Variants in GALK2 observed in about 807,000 individuals in gnomAD.
GALK2 encodes the protein N-acetylgalactosamine kinase.
GALK2 carries 36 observed loss-of-function variants against 52.4 expected under a neutral mutation model. The observed-to-expected ratio is 0.69, with a 90% CI of 0.53 to 0.91. The LOEUF is 0.91. Among genes scored for constraint, GALK2 ranks in the 40% least tolerant of loss-of-function variants. The pLI is 0.00. For missense variants in GALK2, 579 were observed against 559.1 expected (o/e 1.04, Z -0.36); for synonymous variants, 176 against 199.1 (o/e 0.88, Z 0.98).
intron 1 of GALK2, among the ~76,000 whole-genome samples, chr15:49,195,867 G>C (rs999328618): frequency 1.8e-4 from 27 of 151,936 alleles, no homozygotes; most frequent in African/African-American, 6.5e-4. Flanking sequence ...GGGGAAAGAG[G>C]GAGAGTTAAG....
chr15:49,244,032 A>C (rs1418246820), intron 5 of GALK2, among the ~76,000 whole-genome samples: 2 of 152,156 alleles, frequency 1.3e-5, no homozygotes, highest in South Asian at 4.1e-4. Context: ...AGAGAAAAAC[A>C]GGAAAATTTA....
At chr15:49,175,199 A>G (rs1478377710) in intron 1 of GALK2, among the ~76,000 whole-genome samples, 1 of 152,208 alleles carries the variant, frequency 6.6e-6, no homozygotes, top group African/African-American at 2.4e-5. Flanking sequence ...GGTGAGCTAT[A>G]GGACACAAAG....
intron 3 of GALK2, chr15:49,366,688 ACTGGTGGGTGG>A: frequency 6.7e-7 from 1 of 1,494,492 alleles, no homozygotes; most frequent in Non-Finnish European, 9.2e-7. Flanking sequence ...GCCCCATCGG[ACTGGTGGGTGG>A]CGGGTGGGGT....
chr15:49,284,691 C>A (rs2033142877), intron 7 of GALK2, among the ~76,000 whole-genome samples: 1 of 152,188 alleles, frequency 6.6e-6, no homozygotes, highest in Non-Finnish European at 1.5e-5. Flanking sequence ...TTCTTTACTT[C>A]TCTCAAATAC....
intron 1 of GALK2, among the ~76,000 whole-genome samples, chr15:49,180,740 C>T (rs889734760): frequency 6.6e-6 from 1 of 152,114 alleles, no homozygotes; most frequent in African/African-American, 2.4e-5. Flanking sequence ...ATGCTGTATG[C>T]TTGGGCCTTT....
chr15:49,353,172 A>C (rs571009871), intron 3 of GALK2, among the ~76,000 whole-genome samples: 15 of 152,338 alleles, frequency 9.8e-5, no homozygotes, highest in Admixed American at 2.0e-4. Context: ...CAACAAAATC[A>C]TAGGGACTTG....
chr15:49,210,024 C>T (rs754191959), intron 2 of GALK2, among the ~76,000 whole-genome samples: 2 of 152,092 alleles, frequency 1.3e-5, no homozygotes, highest in African/African-American at 2.4e-5. Flanking sequence ...GTTATTGGTG[C>T]GTTCAGGTTT....
intron 1 of GALK2, among the ~76,000 whole-genome samples, chr15:49,170,733 C>T (rs185341131): frequency 3.2e-4 from 48 of 152,206 alleles, no homozygotes; most frequent in Admixed American, 3.1e-3. Flanking sequence ...TTTTAAAAGT[C>T]TTCTTTCTAA....
At chr15:49,177,134 TA>T (rs926154742) in intron 1 of GALK2, among the ~76,000 whole-genome samples, 11 of 152,168 alleles carry the variant, frequency 7.2e-5, no homozygotes, top group African/African-American at 2.4e-4. Flanking sequence ...TTTTTCTATA[TA>T]TTTTTTTAAA....
chr15:49,173,963 G>A (rs1272698130), intron 1 of GALK2, among the ~76,000 whole-genome samples: 1 of 152,036 alleles, frequency 6.6e-6, no homozygotes, highest in Non-Finnish European at 1.5e-5. Context: ...GGCTGGTCTT[G>A]AACTCCTGAC....
At chr15:49,238,724 ACCTTCTAAAG>A (rs879528261) in intron 4 of GALK2, among the ~76,000 whole-genome samples, 4 of 152,092 alleles carry the variant, frequency 2.6e-5, no homozygotes, top group African/African-American at 4.8e-5. Context: ...TTTTCAGAGA[ACCTTCTAAAG>A]TAAGGCACTC....
At chr15:49,211,929 A>G (rs1186190193) in intron 2 of GALK2, among the ~76,000 whole-genome samples, 1 of 152,142 alleles carries the variant, frequency 6.6e-6, no homozygotes, top group Non-Finnish European at 1.5e-5. Context: ...TCCAAGCCAT[A>G]TCATATGGGT....
At chr15:49,333,898 A>G (rs183116720), downstream of GALK2, among the ~76,000 whole-genome samples, 276 of 152,346 alleles carry the variant, frequency 1.8e-3, no homozygotes, top group South Asian at 5.4e-3. Context: ...ATAGAGGAAG[A>G]AGGGAAATAA....
intron 1 of GALK2, among the ~76,000 whole-genome samples, chr15:49,177,135 A>AT (rs1237010291): frequency 3.3e-5 from 5 of 151,832 alleles, no homozygotes; most frequent in African/African-American, 9.7e-5. Context: ...TTTTCTATAT[A>AT]TTTTTTTAAA....
At chr15:49,335,573 C>T, downstream of GALK2, 1 of 1,019,718 alleles carries the variant, frequency 9.8e-7, no homozygotes, top group Non-Finnish European at 1.5e-6. Context: ...ACAGAGGAAC[C>T]AAGGGGACCG....
chr15:49,309,082 T>C lies in GALK2; in HGVS notation c.968-10522T>C, dbSNP rs546347497. Among the ~76,000 whole-genome samples, 4 of 152,302 alleles carry C rather than the reference T, an allele frequency of 2.6e-5. No individual in the cohort carries two copies. In the South Asian group the frequency reaches 8.3e-4, roughly 32 times the overall value. ...TGGTGTCCGGGCACTTGTTTATGGC[T>C]GGGGCTTTGAGTCTAACAGGCATAG... On this transcript the variant is annotated intron_variant, in intron 8 of 9. Coordinates refer to ENST00000560031, the MANE Select transcript of GALK2 (RefSeq NM_002044.4).
chr15:49,235,639 C>G (rs1271310250), intron 3 of GALK2: 1 of 690,612 alleles, frequency 1.4e-6, no homozygotes, highest in Non-Finnish European at 2.7e-6. Context: ...TAAAAAGGGT[C>G]AGTTGGAGGT....
intron 1 of GALK2, among the ~76,000 whole-genome samples, chr15:49,157,918 T>C (rs1342479827): frequency 3.9e-5 from 6 of 152,172 alleles, no homozygotes; most frequent in African/African-American, 1.4e-4. Context: ...AAAATGAGCA[T>C]AATGCTACCT....
intron 3 of GALK2, among the ~76,000 whole-genome samples, chr15:49,337,484 A>AAAAG: frequency 3.6e-5 from 1 of 28,148 alleles, no homozygotes; most frequent in Non-Finnish European, 8.9e-5. Flanking sequence ...GACACTTGCA[A>AAAAG]TGTCTGTTCA....
Sources: allele counts gnomAD v4.1 joint callset (sites outside exome capture counted in the v4.1 genomes callset), GRCh38; gene constraint gnomAD v4.1.1; transcripts MANE v1.5; gene names NCBI Gene and HGNC (gene_info 2026-07-23, HGNC 2026-07-21).